TTC39C: variants seen among roughly 807,000 people sequenced by gnomAD.
TTC39C encodes the protein tetratricopeptide repeat protein 39C.
A neutral mutation model predicts 76.3 loss-of-function variants in TTC39C; 33 were observed. The observed-to-expected ratio is 0.43, with a 90% CI of 0.33 to 0.58. TTC39C has a LOEUF of 0.58. Among genes scored for constraint, TTC39C ranks in the 20% least tolerant of loss-of-function variants. TTC39C has a pLI of 0.04. For synonymous variants in TTC39C, 254 were observed against 260.6 expected, an observed-to-expected ratio of 0.97 and a Z score of 0.24; for missense variants, 595 against 701.4, an observed-to-expected ratio of 0.85 and a Z score of 1.71.
chr18:24,014,494 G>A (rs28503640), upstream of TTC39C: 40,365 of 162,614 alleles, frequency 0.25, 6,534 homozygotes, highest in East Asian at 0.55. Flanking sequence ...AGGGGCCGGG[G>A]CGCGGGGGCT....
At chr18:24,124,078 C>A in intron 9 of TTC39C, 135 bp downstream of exon 9, 1 of 585,964 alleles carries the variant, frequency 1.7e-6, no homozygotes, top group Non-Finnish European at 3.0e-6. Flanking sequence ...CACCGCCATG[C>A]AGAGGATTCT....
rs1175689867 is a variant in TTC39C at position 24,061,241 on chromosome 18, A to ATTT, written c.168-2899_168-2898insTTT. On this transcript the variant is annotated intron_variant, in intron 1 of 13. Transcript: ENST00000317571. ...ATTTAGTCTTCTTTTTTTTTTTTTA[A>ATTT]AAAAATAGGTTTTTCACTATGGTTT... Among the ~76,000 whole-genome samples the ATTT allele has an allele frequency of 3.8e-3, 561 of 148,870 alleles. 8 individuals carry two copies. The East Asian group carries it at 0.047, about 12-fold the overall frequency.
At chr18:24,022,150 T>C (rs186833420) in intron 1 of TTC39C, among the ~76,000 whole-genome samples, 2 of 152,168 alleles carry the variant, frequency 1.3e-5, no homozygotes, top group Admixed American at 6.5e-5. Flanking sequence ...GCAAATACTG[T>C]GCCATTTTCT....
Position 24,045,916 on chromosome 18 carries a change from T to TAC in TTC39C, c.168-18223_168-18222insCA, listed in dbSNP as rs1568417418. Among the ~76,000 whole-genome samples the TAC allele has an allele frequency of 4.6e-3, 182 of 39,318 alleles. 3 individuals are homozygous for TAC. Among genetic ancestry groups the TAC allele is most frequent in the African/African-American group, 0.023 (173 of 7,430 alleles). 25.8% of individuals were successfully genotyped at this position (39,318 alleles called of 152,430 possible). A position where few individuals can be genotyped will look rare whatever the true frequency, so the allele number is the denominator to read the frequency against. On this transcript the variant is annotated intron_variant, in intron 1 of 13. Transcript: ENST00000317571. The stretch of plus-strand genomic sequence containing the variant: ...AAATATATATATATATATATATATA[T>TAC]ATATATATATATTTTTTTTTTTTTT...
At chr18:24,020,897 T>C (rs140207622) in intron 1 of TTC39C, among the ~76,000 whole-genome samples, 8 of 152,278 alleles carry the variant, frequency 5.3e-5, no homozygotes, top group Non-Finnish European at 1.0e-4. Flanking sequence ...TTGATGAGGA[T>C]TTTTTTTTTA....
chr18:24,053,068 A>G (rs578227385), intron 1 of TTC39C, among the ~76,000 whole-genome samples: 73 of 152,374 alleles, frequency 4.8e-4, no homozygotes, highest in African/African-American at 1.7e-3. Flanking sequence ...GCTATCTGTA[A>G]TATATAAAGG....
chr18:24,021,080 T>C lies in TTC39C; in HGVS notation c.167+6042T>C, dbSNP rs117098509. ...GTCTCCTTTCCCAGGGTAATCCTCC[T>C]ATTTACCCAGCAGCAGCAGTGGGAC... On this transcript the variant is annotated intron_variant, in intron 1 of 13. Coordinates refer to ENST00000317571, the MANE Select transcript of TTC39C (RefSeq NM_001135993.2). Among the ~76,000 whole-genome samples, 45 of 152,252 alleles carry C rather than the reference T, an allele frequency of 3.0e-4. 2 individuals are homozygous for C. In the East Asian group the frequency reaches 8.5e-3, roughly 29 times the overall value.
intron 4 of TTC39C, among the ~76,000 whole-genome samples, chr18:24,072,641 C>G (rs2084256100): frequency 6.6e-6 from 1 of 152,248 alleles, no homozygotes. Flanking sequence ...CTCATTTAAA[C>G]TTCCTTATAA....
rs541989776 is a variant in TTC39C at position 24,118,057 on chromosome 18, C to T, written c.1079-68C>T. 12 of 1,244,044 alleles carry T rather than the reference C, an allele frequency of 9.6e-6. 1 individual carries two copies. In the East Asian group the frequency reaches 1.3e-4, roughly 13 times the overall value. 77.1% of individuals were successfully genotyped at this position (1,244,044 alleles called of 1,614,324 possible). On this transcript the variant is annotated intron_variant, in intron 7 of 13. Transcript: ENST00000317571. ...GAGAATGATCGCCATATCAGAGGCT[C>T]GTGGCTTAAATATGGGTCATAGAGC...
intron 8 of TTC39C, chr18:24,123,592 AG>A: frequency 3.0e-6 from 1 of 337,200 alleles, no homozygotes; most frequent in East Asian, 6.0e-5. Flanking sequence ...TTTTTAGCAG[AG>A]ATGGGGTTTC....
At chr18:24,074,527 G>A (rs2084279456) in intron 4 of TTC39C, among the ~76,000 whole-genome samples, 1 of 152,194 alleles carries the variant, frequency 6.6e-6, no homozygotes, top group Admixed American at 6.5e-5. Flanking sequence ...CCTATTAGAA[G>A]TCTGTTGGTG....
intron 1 of TTC39C, among the ~76,000 whole-genome samples, chr18:24,029,931 T>G (rs914476025): frequency 1.3e-5 from 2 of 152,240 alleles, no homozygotes; most frequent in Non-Finnish European, 2.9e-5. Context: ...GGTTTCATAT[T>G]TTTGCAGTTG....
chr18:24,114,338 C>G, intron 6 of TTC39C: 1 of 454,606 alleles, frequency 2.2e-6, no homozygotes, highest in South Asian at 2.3e-5. Context: ...TGAGCCCTTA[C>G]CACCTGAGCA....
intron 10 of TTC39C, among the ~76,000 whole-genome samples, chr18:24,128,280 C>T (rs1462665863): frequency 1.3e-5 from 2 of 151,972 alleles, no homozygotes; most frequent in Admixed American, 1.3e-4. Context: ...TTCGTATGAG[C>T]GTATTCCTAG....
intron 6 of TTC39C, among the ~76,000 whole-genome samples, chr18:24,087,678 G>A (rs1471687671): frequency 2.7e-5 from 4 of 149,024 alleles, no homozygotes; most frequent in East Asian, 2.0e-4. Context: ...TCCGCCTCCC[G>A]GGTTCAAGTG....
At chr18:24,031,688 C>A (rs2083673338) in intron 1 of TTC39C, among the ~76,000 whole-genome samples, 1 of 152,188 alleles carries the variant, frequency 6.6e-6, no homozygotes, top group Non-Finnish European at 1.5e-5. Context: ...CCTCCCTGCC[C>A]TTCCTTTACC....
chr18:24,124,174 C>T, intron 9 of TTC39C: 4 of 351,824 alleles, frequency 1.1e-5, no homozygotes, highest in Non-Finnish European at 2.0e-5. Context: ...TCGATGAGTC[C>T]TGCAGATACA....
At chr18:24,016,086 C>G (rs138525996) in intron 1 of TTC39C, among the ~76,000 whole-genome samples, 196 of 152,312 alleles carry the variant, frequency 1.3e-3, no homozygotes, top group African/African-American at 4.4e-3. Flanking sequence ...TGCCTAAAGT[C>G]TCAGACCTCA....
chr18:24,087,450 T>C lies in TTC39C; in HGVS notation c.984+4369T>C, dbSNP rs77870178. Among the ~76,000 whole-genome samples the C allele has an allele frequency of 3.7e-3, 558 of 152,354 alleles. 7 individuals carry two copies. Among genetic ancestry groups the C allele is most frequent in the African/African-American group, 0.013 (539 of 41,582 alleles). ...ACACACATACCTTATATGGTGTGAC[T>C]AGTAATGTAACTAATTTTTAATATT... is the stretch of plus-strand genomic sequence containing the variant. On this transcript the variant is annotated intron_variant, in intron 6 of 13. Coordinates refer to ENST00000317571, the MANE Select transcript of TTC39C (RefSeq NM_001135993.2).
Sources: allele counts gnomAD v4.1 joint callset (sites outside exome capture counted in the v4.1 genomes callset), GRCh38; gene constraint gnomAD v4.1.1; transcripts MANE v1.5; gene names NCBI Gene and HGNC (gene_info 2026-07-23, HGNC 2026-07-21).